SETD3: variants seen among roughly 807,000 people sequenced by gnomAD.
The protein encoded by SETD3 is SET domain containing 3, actin N3(tau)-histidine methyltransferase, also known as actin-histidine N-methyltransferase.
SETD3 carries 19 observed loss-of-function variants against 63.0 expected under a neutral mutation model. That is an observed-to-expected ratio of 0.30 (90% CI 0.21 to 0.44). The LOEUF (loss-of-function observed/expected upper bound fraction) is 0.44, where lower values mean the gene tolerates loss of function less well. Ranked by LOEUF, SETD3 falls within the 20% of genes least tolerant of loss-of-function variation. The probability of loss-of-function intolerance (pLI) is 1.00; values close to 1 mark genes in which losing one functional copy is unlikely to be tolerated. For missense variants in SETD3, 587 were observed against 728.5 expected (o/e 0.81, Z 2.24); for synonymous variants, 286 against 264.1 (o/e 1.08, Z -0.80).
intron 6 of SETD3, among the ~76,000 whole-genome samples, chr14:99,432,597 G>A (rs369399835): frequency 1.9e-4 from 29 of 152,280 alleles, no homozygotes; most frequent in East Asian, 1.7e-3. Flanking sequence ...GCACAGATGT[G>A]GAATGACCAA....
Position 99,398,250 on chromosome 14 carries a change from C to G in SETD3, c.*429G>C, listed in dbSNP as rs1393908879. ...ATTCTGTTTTCTGCTGTGCAACTTC[C>G]CCACCTTCACGCTGTATCCCCAAGT... On this transcript the variant is annotated 3_prime_UTR_variant, in exon 13 of 13. Transcript: ENST00000331768. The G allele has an allele frequency of 6.4e-6, 1 of 157,166 alleles. No homozygotes were observed. Among genetic ancestry groups the G allele is most frequent in the African/African-American group, 2.4e-5 (1 of 41,478 alleles). The allele number at this position is 157,166 out of a possible 1,614,324, so 9.7% of individuals were successfully genotyped here. A position where few individuals can be genotyped will look rare whatever the true frequency, so the allele number is the denominator to read the frequency against.
At chr14:99,452,345 T>C (rs1393040885) in intron 6 of SETD3, among the ~76,000 whole-genome samples, 3 of 152,182 alleles carry the variant, frequency 2.0e-5, no homozygotes, top group Non-Finnish European at 4.4e-5. Context: ...GACCTCGTGA[T>C]CTGCCTGCCT....
intron 6 of SETD3, among the ~76,000 whole-genome samples, chr14:99,426,038 C>A (rs1336038036): frequency 6.6e-6 from 1 of 152,020 alleles, no homozygotes; most frequent in East Asian, 1.9e-4. Flanking sequence ...GTGTGGAAAA[C>A]AGTTCAAACC....
intron 4 of SETD3, among the ~76,000 whole-genome samples, chr14:99,459,472 T>C (rs1367573128): frequency 3.3e-5 from 5 of 152,206 alleles, no homozygotes; most frequent in East Asian, 3.8e-4. Flanking sequence ...GAAGCAAATA[T>C]AACATTTGGA....
chr14:99,484,097 C>G (rs928189205), upstream of SETD3, among the ~76,000 whole-genome samples: 1 of 152,184 alleles, frequency 6.6e-6, no homozygotes, highest in Non-Finnish European at 1.5e-5. Context: ...CTGAGTTTTC[C>G]TGGCTTGACA....
intron 3 of SETD3, 79 bp from the exon 4 acceptor site, chr14:99,461,419 C>G: frequency 7.1e-7 from 1 of 1,410,484 alleles, no homozygotes; most frequent in South Asian, 1.3e-5. Context: ...AAAATAAAAA[C>G]AGGCCATAAC....
At chr14:99,451,815 G>A (rs919759857) in intron 6 of SETD3, among the ~76,000 whole-genome samples, 5 of 151,856 alleles carry the variant, frequency 3.3e-5, no homozygotes, top group African/African-American at 1.2e-4. Flanking sequence ...CCCAGGTGCT[G>A]TATCTTAATA....
At chr14:99,402,585 T>A (rs2139611316) in intron 11 of SETD3, among the ~76,000 whole-genome samples, 1 of 152,204 alleles carries the variant, frequency 6.6e-6, no homozygotes, top group Admixed American at 6.5e-5. Flanking sequence ...TCCAGCCAAC[T>A]TTATACTCTT....
intron 1 of SETD3, among the ~76,000 whole-genome samples, chr14:99,467,812 C>T (rs1286160452): frequency 6.6e-6 from 1 of 152,140 alleles, no homozygotes; most frequent in African/African-American, 2.4e-5. Context: ...TCACAGGGTG[C>T]CCACCAACAG....
intron 6 of SETD3, among the ~76,000 whole-genome samples, chr14:99,454,810 G>A (rs1230075969): frequency 1.3e-5 from 2 of 152,162 alleles, no homozygotes; most frequent in Admixed American, 6.5e-5. Flanking sequence ...TGGCTCCAGA[G>A]CCTGCCCTCT....
chr14:99,483,177 G>A (rs1896397408), upstream of SETD3, among the ~76,000 whole-genome samples: 1 of 152,080 alleles, frequency 6.6e-6, no homozygotes. Context: ...TTAGAATCTT[G>A]TTGGAAGAGC....
At chr14:99,443,603 A>G (rs1272261211) in intron 6 of SETD3, among the ~76,000 whole-genome samples, 2 of 152,136 alleles carry the variant, frequency 1.3e-5, no homozygotes, top group Non-Finnish European at 2.9e-5. Context: ...ACTGAATTAT[A>G]TATGATTAGA....
Position 99,398,699 on chromosome 14 carries a change from T to C in SETD3, c.1765A>G (p.Thr589Ala), listed in dbSNP as rs1352025730. The change falls in exon 13 of 13, where the codon ACT becomes GCT. Residue 589 changes from threonine (T) to alanine (A), a missense_variant. Thr to Ala is a moderately conservative substitution (Grantham distance 58, BLOSUM62 0). Transcript: ENST00000331768. ...TCGAGCTACTCCTTAACTCCAGCAGTGCTGTCTGAAGAAGATCCTTTGGCG... is the reference window on the plus strand; with the variant it reads ...TCGAGCTACTCCTTAACTCCAGCAGCGCTGTCTGAAGAAGATCCTTTGGCG... Reference protein sequence around the residue: ...EDAKGSSSDSTAGVKE With the variant: ...EDAKGSSSDSAAGVKE 9 of 1,613,972 alleles carry C rather than the reference T, an allele frequency of 5.6e-6. No individual in the cohort carries two copies. Among genetic ancestry groups the C allele is most frequent in the Admixed American group, 5.0e-5 (3 of 59,982 alleles).
chr14:99,479,882 A>C (rs1210856159), intron 1 of SETD3, among the ~76,000 whole-genome samples: 1 of 152,234 alleles, frequency 6.6e-6, no homozygotes, highest in Non-Finnish European at 1.5e-5. Context: ...CCCTCCTCCC[A>C]ACACCGGCCG....
At position 99,404,167 on chromosome 14, in the gene SETD3, C is replaced by T. The variant is rs367669150; in HGVS notation, c.1177+58G>A. The T allele has an allele frequency of 3.0e-5, 42 of 1,415,178 alleles. No individual in the cohort carries two copies. The African/African-American group carries it at 4.1e-4, about 14-fold the overall frequency. 87.7% of individuals were successfully genotyped at this position (1,415,178 alleles called of 1,614,324 possible). A position where few individuals can be genotyped will look rare whatever the true frequency, so the allele number is the denominator to read the frequency against. Reference sequence around the variant, plus strand: ...CTTTAATCTGAATCCCTATGCTTTACACTTTCATGATTTAAAAAGAAAAAA... The same window carrying T: ...CTTTAATCTGAATCCCTATGCTTTATACTTTCATGATTTAAAAAGAAAAAA... On this transcript the variant is annotated intron_variant, in intron 11 of 12. Coordinates refer to ENST00000331768, the MANE Select transcript of SETD3 (RefSeq NM_032233.3).
chr14:99,413,699 G>A (rs1269672305), intron 7 of SETD3, among the ~76,000 whole-genome samples, 177 bp downstream of exon 7: 3 of 152,186 alleles, frequency 2.0e-5, no homozygotes, highest in African/African-American at 7.2e-5. Flanking sequence ...ACATGGCTAT[G>A]AAAATGCTGA....
chr14:99,409,936 C>G (rs1013499336), intron 8 of SETD3: 2 of 359,780 alleles, frequency 5.6e-6, no homozygotes, highest in Admixed American at 8.6e-5. Context: ...AGACCCTCCC[C>G]CAAAATCACC....
At chr14:99,479,819 A>C (rs752931316) in intron 1 of SETD3, among the ~76,000 whole-genome samples, 60 of 152,248 alleles carry the variant, frequency 3.9e-4, no homozygotes, top group Non-Finnish European at 6.9e-4. Context: ...GAAAAGCAAA[A>C]TAACACGGTC....
At chr14:99,413,405 T>G (rs1356412795) in intron 7 of SETD3, among the ~76,000 whole-genome samples, 2 of 152,216 alleles carry the variant, frequency 1.3e-5, no homozygotes, top group East Asian at 3.9e-4. Context: ...GCCCAAATGC[T>G]GACTCTGCAC....
Sources: allele counts gnomAD v4.1 joint callset (sites outside exome capture counted in the v4.1 genomes callset), GRCh38; gene constraint gnomAD v4.1.1; transcripts MANE v1.5; gene names NCBI Gene and HGNC (gene_info 2026-07-23, HGNC 2026-07-21).